KCNMA1: variants seen among roughly 807,000 people sequenced by gnomAD.
KCNMA1 encodes the protein Calcium-activated potassium channel subunit alpha-1.
A neutral mutation model predicts 140.0 loss-of-function variants in KCNMA1; 29 were observed. The observed-to-expected ratio is 0.21, with a 90% CI of 0.15 to 0.28. The LOEUF is 0.28. Ranked by LOEUF, KCNMA1 falls within the 10% of genes least tolerant of loss-of-function variation. The pLI is 1.00. For synonymous variants in KCNMA1, 612 were observed against 611.9 expected (o/e 1.00, Z 0.00); for missense variants, 880 against 1,602.2 (o/e 0.55, Z 7.70).
chr10:77,413,202 T>A (rs182159844), intron 1 of KCNMA1, among the ~76,000 whole-genome samples: 1 of 152,184 alleles, frequency 6.6e-6, no homozygotes, highest in Non-Finnish European at 1.5e-5. Context: ...TGACAATAAC[T>A]ATGACATCCT....
intron 20 of KCNMA1, among the ~76,000 whole-genome samples, chr10:76,962,969 C>T (rs56771212): frequency 7.9e-5 from 12 of 152,134 alleles, no homozygotes; most frequent in Admixed American, 5.9e-4. Context: ...ACAGGGACTG[C>T]GTATGAATTA....
At position 77,177,985 on chromosome 10, in the gene KCNMA1, C is replaced by G. The variant is rs372052899; in HGVS notation, c.808+5436G>C. ...TTTTATATAATCCTGTTTTTATTGCCTTCTGACACAAAAAAAGGACTATTT... is the reference window on the plus strand; with the variant it reads ...TTTTATATAATCCTGTTTTTATTGCGTTCTGACACAAAAAAAGGACTATTT... On this transcript the variant is annotated intron_variant, in intron 5 of 27. Coordinates refer to ENST00000286628, the MANE Select transcript of KCNMA1 (RefSeq NM_001161352.2). Among the ~76,000 whole-genome samples the G allele has an allele frequency of 4.3e-4, 66 of 151,942 alleles. 1 individual carries two copies. The South Asian group carries it at 8.9e-3, about 21-fold the overall frequency.
At position 77,009,085 on chromosome 10, in the gene KCNMA1, T is replaced by C. The variant is rs558751380; in HGVS notation, c.2092+2882A>G. Among the ~76,000 whole-genome samples, 4 of 152,286 alleles carry C rather than the reference T, an allele frequency of 2.6e-5. No individual in the cohort carries two copies. The East Asian group carries it at 5.8e-4, about 22-fold the overall frequency. ...TATTCAGACAATTCTGATTGTTACA[T>C]AGCCAAAGGCCTTTGTGAGATGAAG... On this transcript the variant is annotated intron_variant, in intron 18 of 27. Transcript: ENST00000286628.
chr10:77,565,836 G>A (rs1234791645), intron 1 of KCNMA1, among the ~76,000 whole-genome samples: 2 of 152,140 alleles, frequency 1.3e-5, no homozygotes, highest in African/African-American at 4.8e-5. Context: ...TCCCACAGGA[G>A]GTGTCAAATG....
At chr10:77,009,009 C>T (rs971045025) in intron 18 of KCNMA1, among the ~76,000 whole-genome samples, 2 of 152,244 alleles carry the variant, frequency 1.3e-5, no homozygotes, top group African/African-American at 4.8e-5. Flanking sequence ...ACCTCACACA[C>T]ACATCTGCAT....
At chr10:77,477,543 A>G (rs371392125) in intron 1 of KCNMA1, among the ~76,000 whole-genome samples, 1 of 152,206 alleles carries the variant, frequency 6.6e-6, no homozygotes, top group South Asian at 2.1e-4. Flanking sequence ...GCACTGTGTT[A>G]AAAAAGATCC....
chr10:77,043,428 A>G (rs1251077783), intron 14 of KCNMA1, among the ~76,000 whole-genome samples: 3 of 152,252 alleles, frequency 2.0e-5, no homozygotes, highest in African/African-American at 7.2e-5. Context: ...TGTGGAAAAC[A>G]GTATGGTGGT....
chr10:77,263,999 T>A (rs2062725552), intron 2 of KCNMA1, among the ~76,000 whole-genome samples: 1 of 152,198 alleles, frequency 6.6e-6, no homozygotes, highest in Non-Finnish European at 1.5e-5. Context: ...ACAATTGAAT[T>A]CTTACAGACA....
intron 3 of KCNMA1, among the ~76,000 whole-genome samples, chr10:77,187,719 G>GTACTTTC (rs2098887304): frequency 1.3e-5 from 2 of 152,142 alleles, no homozygotes. Flanking sequence ...ATCGGGCAAT[G>GTACTTTC]TACTTTCTAT....
chr10:77,427,242 A>G (rs993878208), intron 1 of KCNMA1, among the ~76,000 whole-genome samples: 8 of 152,214 alleles, frequency 5.3e-5, no homozygotes, highest in African/African-American at 1.7e-4. Context: ...TGGAAAGTCA[A>G]TACAGGCTGG....
intron 1 of KCNMA1, among the ~76,000 whole-genome samples, chr10:77,612,537 T>A (rs1454698193): frequency 2.6e-5 from 4 of 152,164 alleles, no homozygotes; most frequent in Admixed American, 1.3e-4. Context: ...GTGGTCGGCA[T>A]CTCCTCATTC....
chr10:76,911,389 C>T (rs1038709285), intron 24 of KCNMA1: 1 of 152,166 alleles, frequency 6.6e-6, no homozygotes, highest in Non-Finnish European at 1.5e-5. Flanking sequence ...GTTTAAGCAG[C>T]AATTGAATTG....
chr10:77,312,895 T>C (rs1459931016), intron 2 of KCNMA1, among the ~76,000 whole-genome samples: 1 of 152,128 alleles, frequency 6.6e-6, no homozygotes, highest in Admixed American at 6.5e-5. Context: ...GCTACCCCTT[T>C]TCTGGAGTAT....
At chr10:77,263,579 A>G (rs1360761977) in intron 2 of KCNMA1, among the ~76,000 whole-genome samples, 1 of 152,184 alleles carries the variant, frequency 6.6e-6, no homozygotes, top group Non-Finnish European at 1.5e-5. Context: ...TAAAATTTTC[A>G]TCTTCTACAG....
At chr10:77,471,943 A>G (rs1376387568) in intron 1 of KCNMA1, among the ~76,000 whole-genome samples, 2 of 150,960 alleles carry the variant, frequency 1.3e-5, no homozygotes, top group African/African-American at 4.9e-5. Context: ...CACACCACAT[A>G]CACCATACAT....
At chr10:76,983,495 G>A (rs1435352210) in intron 19 of KCNMA1, among the ~76,000 whole-genome samples, 1 of 152,166 alleles carries the variant, frequency 6.6e-6, no homozygotes, top group East Asian at 1.9e-4. Flanking sequence ...CACTTTGGGA[G>A]GCTGAGGCAG....
chr10:77,095,898 G>A (rs1369873730), intron 9 of KCNMA1, among the ~76,000 whole-genome samples: 1 of 152,160 alleles, frequency 6.6e-6, no homozygotes, highest in Admixed American at 6.5e-5. Context: ...GAGGCATCAA[G>A]AGAGCCACTG....
chr10:77,403,406 T>G (rs1437589937), intron 2 of KCNMA1, among the ~76,000 whole-genome samples: 2 of 152,008 alleles, frequency 1.3e-5, no homozygotes, highest in African/African-American at 4.8e-5. Context: ...ATTAGGAAAC[T>G]GCTGCAAGAG....
At chr10:76,965,613 C>G (rs1370072965) in intron 20 of KCNMA1, among the ~76,000 whole-genome samples, 1 of 152,192 alleles carries the variant, frequency 6.6e-6, no homozygotes, top group South Asian at 2.1e-4. Context: ...ACTCCAAAGA[C>G]CCCTGGCTAT....
Sources: gnomAD v4.1 joint callset for allele counts (sites outside exome capture counted in the v4.1 genomes callset) on GRCh38, gnomAD v4.1.1 for gene constraint, MANE v1.5 for transcripts, NCBI Gene and HGNC (gene_info 2026-07-23, HGNC 2026-07-21) for gene names.